Variants in DERA observed in about 807,000 individuals in gnomAD.
DERA encodes the protein deoxyribose-phosphate aldolase, also known as 2-deoxy-D-ribose 5-phosphate aldolase.
In DERA, 15 loss-of-function variants were observed where a neutral mutation model predicts 41.1. The observed-to-expected ratio is 0.37, with a 90% confidence interval of 0.24 to 0.56. The LOEUF (loss-of-function observed/expected upper bound fraction) is 0.56, where lower values mean the gene tolerates loss of function less well. Ranked by LOEUF, DERA falls within the 20% of genes least tolerant of loss-of-function variation. The probability of loss-of-function intolerance (pLI) is 0.81; values close to 1 mark genes in which losing one functional copy is unlikely to be tolerated. For synonymous variants in DERA, 139 were observed against 137.4 expected (o/e 1.01, Z -0.08); for missense variants, 396 against 403.4 (o/e 0.98, Z 0.16).
chr12:15,946,531 A>G (rs1279601869), intron 1 of DERA, among the ~76,000 whole-genome samples: 1 of 151,580 alleles, frequency 6.6e-6, no homozygotes, highest in Non-Finnish European at 1.5e-5. Context: ...TGTTTATAGT[A>G]TTCTCTGATG....
rs1163016823 is a variant in DERA at position 16,036,735 on chromosome 12, C to A, written c.946C>A (p.Pro316Thr). 3.1e-6 allele frequency: 5 copies of A among 1,597,212 alleles called. No homozygotes were observed. The highest frequency in any genetic ancestry group is 3.4e-6 in the Non-Finnish European group (4 of 1,174,368). ...TGRYAAYHDL[P>T]MS ...AAGATATGCAGCTTATCATGATCTT[C>A]CAATGTCTTAAATCAGTCACCAGTT... The change falls in exon 9 of 9, where the codon CCA becomes ACA. Residue 316 changes from proline (P) to threonine (T), a missense_variant. Transcript: ENST00000428559. The surrounding 1 kb of genome is among the most constrained non-coding windows in gnomAD (Gnocchi z 4.9).
intron 5 of DERA, among the ~76,000 whole-genome samples, chr12:15,980,776 T>C (rs950882192): frequency 1.3e-5 from 2 of 152,202 alleles, no homozygotes; most frequent in Non-Finnish European, 2.9e-5. Context: ...TAACAAACTT[T>C]CTAAACTTAC....
At chr12:15,960,810 A>G (rs1440331218) in intron 4 of DERA, among the ~76,000 whole-genome samples, 1 of 152,154 alleles carries the variant, frequency 6.6e-6, no homozygotes, top group African/African-American at 2.4e-5. Flanking sequence ...CACAGTGTTA[A>G]TAAGGTAGGG....
chr12:15,929,677 A>G (rs1452333809), intron 1 of DERA, among the ~76,000 whole-genome samples: 2 of 152,172 alleles, frequency 1.3e-5, no homozygotes, highest in Admixed American at 1.3e-4. Context: ...AGGGATCTGG[A>G]GAGTATTTGA....
intron 1 of DERA, among the ~76,000 whole-genome samples, chr12:15,947,499 G>A (rs893697890): frequency 6.6e-6 from 1 of 151,964 alleles, no homozygotes; most frequent in Non-Finnish European, 1.5e-5. Context: ...GTTGGTTTAA[G>A]GTCTGTTTTG....
chr12:15,932,396 T>C (rs2136131007), intron 1 of DERA, among the ~76,000 whole-genome samples: 1 of 152,282 alleles, frequency 6.6e-6, no homozygotes, highest in East Asian at 1.9e-4. Context: ...CATTCCTGTC[T>C]CCCAGCACTT....
chr12:16,001,201 G>A lies in DERA; in HGVS notation c.637+18765G>A, dbSNP rs779668941. 2.6e-5 allele frequency among the ~76,000 whole-genome samples: 4 copies of A among 152,046 alleles called. No homozygotes were observed. Among genetic ancestry groups the A allele is most frequent in the Admixed American group, 6.6e-5 (1 of 15,264 alleles). ...GTCAGTAGGTGCAGCAAACCACCAC[G>A]GCACACGTACACCTATGTAACAAAC... On this transcript the variant is annotated intron_variant, in intron 6 of 8. Transcript: ENST00000428559. The surrounding 1 kb of genome is among the most constrained non-coding windows in gnomAD (Gnocchi z 4.1).
At chr12:15,958,443 A>G (rs572496180) in intron 3 of DERA, 108 bp downstream of exon 3, 3 of 812,732 alleles carry the variant, frequency 3.7e-6, no homozygotes, top group East Asian at 3.2e-5. Flanking sequence ...GATAGAATCC[A>G]TGATAGAAAC....
intron 6 of DERA, among the ~76,000 whole-genome samples, chr12:16,029,913 C>CTTTTT (rs71438364): frequency 0.026 from 1,544 of 59,716 alleles, 531 homozygotes; most frequent in East Asian, 0.085. Context: ...TAGCCTTGGT[C>CTTTTT]TTTTTTTTTT....
Position 16,000,958 on chromosome 12 carries a change from C to T in DERA, c.637+18522C>T, listed in dbSNP as rs74063607. On this transcript the variant is annotated intron_variant, in intron 6 of 8. Coordinates refer to ENST00000428559, the MANE Select transcript of DERA (RefSeq NM_015954.4). The surrounding 1 kb of genome is among the most constrained non-coding windows in gnomAD (Gnocchi z 4.8). ...TTTTACAGTATTCAGTATTACAATG[C>T]CATTCAAAAATATAAAATAAAAATC... 0.052 allele frequency among the ~76,000 whole-genome samples: 7,929 copies of T among 152,098 alleles called. 670 individuals carry two copies. The highest frequency in any genetic ancestry group is 0.17 in the African/African-American group (7,239 of 41,442).
In DERA at chr12:15,924,414, A is replaced by G. The variant is rs953936802; in HGVS notation, c.31+13000A>G. Among the ~76,000 whole-genome samples, 2 of 152,352 alleles carry G rather than the reference A, an allele frequency of 1.3e-5. No individual in the cohort carries two copies. The highest frequency in any genetic ancestry group is 2.9e-5 in the Non-Finnish European group (2 of 68,036). On this transcript the variant is annotated intron_variant, in intron 1 of 8. Transcript: ENST00000428559. The surrounding 1 kb of genome is among the most constrained non-coding windows in gnomAD (Gnocchi z 5.0). ...CTGTTTCTAAAATTAAAATGTATAT[A>G]TATAAAAGTTAAATAATTGAACTCA...
chr12:16,034,369 A>G (rs1444665462), intron 7 of DERA, among the ~76,000 whole-genome samples: 1 of 152,226 alleles, frequency 6.6e-6, no homozygotes, highest in African/African-American at 2.4e-5. Context: ...TCAGTGTTCC[A>G]GGCCAGAGTA....
chr12:15,925,220 T>G (rs1484253936), intron 1 of DERA, among the ~76,000 whole-genome samples: 1 of 151,826 alleles, frequency 6.6e-6, no homozygotes, highest in Non-Finnish European at 1.5e-5. Context: ...TTAGAATGCC[T>G]CTTGATGTTA....
Position 15,911,629 on chromosome 12 carries a change from T to A in DERA, c.31+215T>A. ...GTCTTTGCACCTAAGCTTTTACTCT[T>A]GTATGCGGAAGGAGTAGGAAAGGGT... On this transcript the variant is annotated intron_variant, in intron 1 of 8. Coordinates refer to ENST00000428559, the MANE Select transcript of DERA (RefSeq NM_015954.4). The surrounding 1 kb of genome is among the most constrained non-coding windows in gnomAD (Gnocchi z 4.5). 1 of 697,886 alleles carries A rather than the reference T, an allele frequency of 1.4e-6. No individual in the cohort carries two copies. Among genetic ancestry groups the A allele is most frequent in the Non-Finnish European group, 2.6e-6 (1 of 383,050 alleles). The allele number at this position is 697,886 out of a possible 1,614,324, so 43.2% of individuals were successfully genotyped here. A position where few individuals can be genotyped will look rare whatever the true frequency, so the allele number is the denominator to read the frequency against.
Position 16,009,283 on chromosome 12 carries a change from G to A in DERA, c.638-23259G>A, listed in dbSNP as rs1948932583. ...GAATATTGGATTAAATTCAGCCCCT[G>A]GAGAGTGGAAATCCTAGGGTTTTAT... On this transcript the variant is annotated intron_variant, in intron 6 of 8. Coordinates refer to ENST00000428559, the MANE Select transcript of DERA (RefSeq NM_015954.4). This position sits in a 1 kb window ranked among gnomAD's most constrained non-coding sequence, Gnocchi z 5.3. Among the ~76,000 whole-genome samples the A allele has an allele frequency of 6.6e-6, 1 of 152,138 alleles. No individual in the cohort carries two copies. The highest frequency in any genetic ancestry group is 2.4e-5 in the African/African-American group (1 of 41,432).
chr12:15,998,969 C>T lies in DERA; in HGVS notation c.637+16533C>T, dbSNP rs1948857340. On this transcript the variant is annotated intron_variant, in intron 6 of 8. Transcript: ENST00000428559. The surrounding 1 kb of genome is among the most constrained non-coding windows in gnomAD (Gnocchi z 4.8). ...TAGGTCTCTCAGGACATTTGTAATT[C>T]TTCTACTGTTCTGATAGCACTATCA... 6.6e-6 allele frequency among the ~76,000 whole-genome samples: 1 copy of T among 152,162 alleles called. No homozygotes were observed. Among genetic ancestry groups the T allele is most frequent in the Non-Finnish European group, 1.5e-5 (1 of 68,024 alleles).
At chr12:15,939,219 A>C (rs556604782) in intron 1 of DERA, among the ~76,000 whole-genome samples, 2 of 152,342 alleles carry the variant, frequency 1.3e-5, no homozygotes, top group African/African-American at 4.8e-5. Context: ...CCTTCAAGGT[A>C]TCAGAAATAT....
chr12:16,036,881 C>A lies in DERA; in HGVS notation c.*135C>A. ...TCCTCTCTTTAAAATTTCTACCGAA[C>A]TTAATGGAATGGAAAAAGCAAACTC... On this transcript the variant is annotated 3_prime_UTR_variant, in exon 9 of 9. Coordinates refer to ENST00000428559, the MANE Select transcript of DERA (RefSeq NM_015954.4). The surrounding 1 kb of genome is among the most constrained non-coding windows in gnomAD (Gnocchi z 4.9). 1.5e-6 allele frequency: 1 copy of A among 675,290 alleles called. No individual in the cohort carries two copies. The highest frequency in any genetic ancestry group is 2.5e-6 in the Non-Finnish European group (1 of 392,962). The allele number at this position is 675,290 out of a possible 1,614,324, so 41.8% of individuals were successfully genotyped here.
chr12:15,994,247 T>C lies in DERA; in HGVS notation c.637+11811T>C, dbSNP rs1401348423. 6.6e-6 allele frequency among the ~76,000 whole-genome samples: 1 copy of C among 152,224 alleles called. No homozygotes were observed. The highest frequency in any genetic ancestry group is 2.4e-5 in the African/African-American group (1 of 41,460). Reference sequence around the variant, plus strand: ...CAATGATATATCTGTAATCAACTTGTATAGAAACCAATTTTTAAATAAAGC... The same window carrying C: ...CAATGATATATCTGTAATCAACTTGCATAGAAACCAATTTTTAAATAAAGC... On this transcript the variant is annotated intron_variant, in intron 6 of 8. Transcript: ENST00000428559. This position sits in a 1 kb window ranked among gnomAD's most constrained non-coding sequence, Gnocchi z 4.8.
Sources: allele counts gnomAD v4.1 joint callset (sites outside exome capture counted in the v4.1 genomes callset), GRCh38; gene constraint gnomAD v4.1.1; non-coding constraint Gnocchi (gnomAD v3.1); transcripts MANE v1.5; gene names NCBI Gene and HGNC (gene_info 2026-07-23, HGNC 2026-07-21).